ROCK2: variants seen among roughly 807,000 people sequenced by gnomAD.
ROCK2 encodes the protein Rho associated coiled-coil containing protein kinase 2.
A neutral mutation model predicts 195.1 loss-of-function variants in ROCK2; 61 were observed. That is an observed-to-expected ratio of 0.31 (90% CI 0.25 to 0.39). ROCK2 has a LOEUF of 0.39. Ranked by LOEUF, ROCK2 falls within the 10% of genes least tolerant of loss-of-function variation. ROCK2 has a pLI of 1.00. For missense variants in ROCK2, 1,109 were observed against 1,637.4 expected, an observed-to-expected ratio of 0.68 and a Z score of 5.57; for synonymous variants, 504 against 545.5, an observed-to-expected ratio of 0.92 and a Z score of 1.06.
intron 3 of ROCK2, among the ~76,000 whole-genome samples, chr2:11,266,672 AT>A (rs1666426081): frequency 6.6e-6 from 1 of 152,240 alleles, no homozygotes; most frequent in Non-Finnish European, 1.5e-5. Flanking sequence ...CAGTCCACAC[AT>A]ATCCGCCATA....
intron 5 of ROCK2, among the ~76,000 whole-genome samples, chr2:11,232,107 T>C (rs967886507): frequency 3.3e-5 from 5 of 151,170 alleles, no homozygotes. Flanking sequence ...TGTAAGTGGA[T>C]GAGAATAAAA....
chr2:11,304,531 G>C (rs1667796425), intron 1 of ROCK2, among the ~76,000 whole-genome samples: 1 of 152,072 alleles, frequency 6.6e-6, no homozygotes, highest in African/African-American at 2.4e-5. Flanking sequence ...TCTACCATTA[G>C]GTCTTCTTGC....
chr2:11,248,735 A>G (rs200450864), intron 4 of ROCK2, among the ~76,000 whole-genome samples: 52 of 139,634 alleles, frequency 3.7e-4, no homozygotes, highest in South Asian at 2.4e-3. Context: ...AAAAAAAAAA[A>G]AAAGAAAGAA....
At position 11,203,740 on chromosome 2, in the gene ROCK2, T is replaced by C. The variant is rs537370333; in HGVS notation, c.2550-1619A>G. ...TTAACTGTGTCATTTCTGTATTTTA[T>C]TGTTGATGAGTATACTGTAGAGAAT... On this transcript the variant is annotated intron_variant, in intron 20 of 32. Transcript: ENST00000315872. 1.1e-4 allele frequency among the ~76,000 whole-genome samples: 16 copies of C among 152,310 alleles called. No homozygotes were observed. In the South Asian group the frequency reaches 1.2e-3, roughly 12 times the overall value.
At chr2:11,314,538 T>C (rs777322340) in intron 1 of ROCK2, among the ~76,000 whole-genome samples, 3 of 152,104 alleles carry the variant, frequency 2.0e-5, no homozygotes, top group Middle Eastern at 3.4e-3. Context: ...CAAAACCCAG[T>C]AAGTTTAGGA....
At chr2:11,251,214 T>C (rs1665819798) in intron 3 of ROCK2, among the ~76,000 whole-genome samples, 1 of 152,228 alleles carries the variant, frequency 6.6e-6, no homozygotes, top group Admixed American at 6.5e-5. Context: ...TATCACCTAT[T>C]TCTCAGCACC....
At position 11,180,976 on chromosome 2, in the gene ROCK2, G is replaced by C. The variant is rs1316446118; in HGVS notation, c.*2461C>G. The C allele has an allele frequency of 6.6e-6, 1 of 151,860 alleles. No homozygotes were observed. The highest frequency in any genetic ancestry group is 6.6e-5 in the Admixed American group (1 of 15,240). The allele number at this position is 151,860 out of a possible 1,614,324, so 9.4% of individuals were successfully genotyped here. On this transcript the variant is annotated 3_prime_UTR_variant, in exon 33 of 33. Coordinates refer to ENST00000315872, the MANE Select transcript of ROCK2 (RefSeq NM_004850.5). The stretch of plus-strand genomic sequence containing the variant: ...TATAATGTGAAGAATCTCCATGGGA[G>C]AGATTTTTTTTTCACCCTTCAGAAT...
Position 11,214,853 on chromosome 2 carries a change from A to T in ROCK2, c.1923T>A (p.Ile641=), listed in dbSNP as rs751299678. The T allele has an allele frequency of 6.8e-6, 11 of 1,608,710 alleles. No homozygotes were observed. The South Asian group carries it at 1.1e-4, about 16-fold the overall frequency. Reference sequence around the variant, plus strand: ...CGACTTCAATACCTTGTAAATCATTAATTATCTCTGATCCATGGGTTCGAT... The same window carrying T: ...CGACTTCAATACCTTGTAAATCATTTATTATCTCTGATCCATGGGTTCGAT... ...RRDRTHGSEI[I]NDLQGRICGL... The change falls in exon 16 of 33, where the codon ATT becomes ATA. Residue 641 remains isoleucine (I), a synonymous_variant. Coordinates refer to ENST00000315872, the MANE Select transcript of ROCK2 (RefSeq NM_004850.5).
chr2:11,308,572 C>A (rs1667935743), intron 1 of ROCK2: 2 of 1,504,734 alleles, frequency 1.3e-6, no homozygotes, highest in African/African-American at 2.8e-5. Flanking sequence ...CTGGGCAGTG[C>A]ATCAATCCCT....
chr2:11,317,602 ATATATATATATTTTTT>A (rs1396512354), intron 1 of ROCK2, among the ~76,000 whole-genome samples: 10 of 16,506 alleles, frequency 6.1e-4, no homozygotes, highest in African/African-American at 1.9e-3. Context: ...ATATATATAT[ATATATATATATTTTTT>A]TTTTTTTTTA....
chr2:11,325,104 T>C (rs577355377), intron 1 of ROCK2, among the ~76,000 whole-genome samples: 1 of 152,358 alleles, frequency 6.6e-6, no homozygotes, highest in South Asian at 2.1e-4. Flanking sequence ...AAAGACATTA[T>C]TATAAATACA....
At position 11,201,204 on chromosome 2, in the gene ROCK2, G is replaced by A; in HGVS notation, c.2724-61C>T. On this transcript the variant is annotated intron_variant, in intron 22 of 32. Transcript: ENST00000315872. This position sits in a 1 kb window ranked among gnomAD's most constrained non-coding sequence, Gnocchi z 4.6. ...TTTTCACTATGAAGTGAAAGTTTTT[G>A]TCTAATTCACTTCATCAATAATTTT... 6.5e-7 allele frequency: 1 copy of A among 1,545,514 alleles called. No individual in the cohort carries two copies. The highest frequency in any genetic ancestry group is 8.8e-7 in the Non-Finnish European group (1 of 1,137,472).
At chr2:11,275,623 A>G (rs1666796705) in intron 3 of ROCK2, among the ~76,000 whole-genome samples, 1 of 152,112 alleles carries the variant, frequency 6.6e-6, no homozygotes, top group African/African-American at 2.4e-5. Context: ...AAACCACATT[A>G]ACAGAATAAA....
intron 1 of ROCK2, among the ~76,000 whole-genome samples, chr2:11,300,539 C>G (rs937278847): frequency 1.3e-5 from 2 of 152,192 alleles, no homozygotes; most frequent in African/African-American, 4.8e-5. Context: ...GCTGGGATTA[C>G]AGGCATGAGC....
intron 32 of ROCK2, among the ~76,000 whole-genome samples, chr2:11,191,342 G>C (rs552947952): frequency 1.3e-5 from 2 of 152,134 alleles, no homozygotes; most frequent in Non-Finnish European, 2.9e-5. Context: ...AAATGTTTTT[G>C]TGCATAATGA....
intron 20 of ROCK2, among the ~76,000 whole-genome samples, chr2:11,202,560 C>G (rs556103100): frequency 6.6e-6 from 1 of 151,758 alleles, no homozygotes; most frequent in East Asian, 1.9e-4. Flanking sequence ...TGCAGTGGTG[C>G]GATCTGGGCT....
chr2:11,217,270 C>A (rs747486152), intron 11 of ROCK2, 101 bp from the exon 12 acceptor site: 4 of 746,812 alleles, frequency 5.4e-6, no homozygotes, highest in Non-Finnish European at 9.9e-6. Flanking sequence ...TTCCACTAAA[C>A]ATAATGTCCT....
intron 3 of ROCK2, among the ~76,000 whole-genome samples, chr2:11,283,404 C>T (rs1667077610): frequency 6.7e-6 from 1 of 149,388 alleles, no homozygotes; most frequent in Non-Finnish European, 1.5e-5. Flanking sequence ...ACTAAAAATA[C>T]AAAAAAATTA....
chr2:11,282,418 A>G (rs1667036534), intron 3 of ROCK2, among the ~76,000 whole-genome samples: 1 of 152,132 alleles, frequency 6.6e-6, no homozygotes, highest in Non-Finnish European at 1.5e-5. Flanking sequence ...CAACCTATAG[A>G]CTTACTATAA....
Sources: gnomAD v4.1 joint callset for allele counts (sites outside exome capture counted in the v4.1 genomes callset) on GRCh38, gnomAD v4.1.1 for gene constraint, Gnocchi (gnomAD v3.1) non-coding constraint, MANE v1.5 for transcripts, NCBI Gene and HGNC (gene_info 2026-07-23, HGNC 2026-07-21) for gene names.